The following LY86 variants were observed in gnomAD, a reference collection of about 807,000 sequenced individuals.
LY86 encodes MD-1, RP105-associated.
Under a neutral mutation model 17.3 loss-of-function variants are expected in LY86, and 20 were observed. The observed-to-expected ratio is 1.15, with a 90% CI of 0.81 to 1.68. The LOEUF (loss-of-function observed/expected upper bound fraction) is 1.68. Ranked by LOEUF, LY86 falls within the 40% of genes most tolerant of loss-of-function variation. The probability of loss-of-function intolerance (pLI) is 0.00; values close to 1 mark genes in which losing one functional copy is unlikely to be tolerated. For synonymous variants in LY86, 74 were observed against 70.6 expected (o/e 1.05, Z -0.24); for missense variants, 200 against 191.9 (o/e 1.04, Z -0.25).
At chr6:6,611,556 T>C (rs763673754) in intron 1 of LY86, among the ~76,000 whole-genome samples, 1 of 152,238 alleles carries the variant, frequency 6.6e-6, no homozygotes, top group South Asian at 2.1e-4. Flanking sequence ...ATACTTAAGA[T>C]GAATGGACAC....
At chr6:6,611,932 C>T (rs910589347) in intron 1 of LY86, among the ~76,000 whole-genome samples, 3 of 152,184 alleles carry the variant, frequency 2.0e-5, no homozygotes, top group Admixed American at 2.0e-4. Context: ...GCCAGCTGCT[C>T]TTAACTTCCA....
chr6:6,591,367 C>T (rs368887916), intron 1 of LY86: 6 of 153,850 alleles, frequency 3.9e-5, no homozygotes, highest in East Asian at 3.9e-4. Flanking sequence ...GGGAGTGGGA[C>T]GATCAGACAA....
At chr6:6,596,620 G>T (rs1279229268) in intron 1 of LY86, among the ~76,000 whole-genome samples, 1 of 152,198 alleles carries the variant, frequency 6.6e-6, no homozygotes, top group Non-Finnish European at 1.5e-5. Flanking sequence ...CTTGAGTAGG[G>T]CAAGGCCTTT....
chr6:6,590,231 C>A lies in LY86; in HGVS notation c.136+1361C>A, dbSNP rs192754888. Among the ~76,000 whole-genome samples, 302 of 151,848 alleles carry A rather than the reference C, an allele frequency of 2.0e-3. 2 individuals carry two copies. The highest frequency in any genetic ancestry group is 6.9e-3 in the African/African-American group (286 of 41,390). On this transcript the variant is annotated intron_variant, in intron 1 of 4. Transcript: ENST00000230568. ...TACGTTCCAAGACTCCCAGTGGATGCCTGAAATCATAGATCGTTTTGAACC... is the reference window on the plus strand; with the variant it reads ...TACGTTCCAAGACTCCCAGTGGATGACTGAAATCATAGATCGTTTTGAACC...
intron 1 of LY86, among the ~76,000 whole-genome samples, chr6:6,616,856 G>C (rs1761566833): frequency 6.6e-6 from 1 of 152,148 alleles, no homozygotes; most frequent in African/African-American, 2.4e-5. Flanking sequence ...CCCTGTTTCT[G>C]TCCCCTGTCA....
chr6:6,605,849 C>T (rs150439992), intron 1 of LY86, among the ~76,000 whole-genome samples: 416 of 152,038 alleles, frequency 2.7e-3, no homozygotes, highest in Non-Finnish European at 4.8e-3. Context: ...TGTTACAGCT[C>T]TTAAGGGGGC....
intron 4 of LY86, among the ~76,000 whole-genome samples, chr6:6,651,091 T>C (rs951688527): frequency 2.0e-5 from 3 of 152,238 alleles, no homozygotes; most frequent in Non-Finnish European, 4.4e-5. Flanking sequence ...ATTGTGTATA[T>C]ATACCACATC....
At chr6:6,604,397 GAAAAT>G (rs1761027194) in intron 1 of LY86, among the ~76,000 whole-genome samples, 4 of 152,172 alleles carry the variant, frequency 2.6e-5, no homozygotes, top group South Asian at 4.2e-4. Context: ...AGGGAGGTTT[GAAAAT>G]AAAATAAGAC....
intron 3 of LY86, among the ~76,000 whole-genome samples, chr6:6,631,444 A>T (rs927517598): frequency 6.6e-6 from 1 of 152,228 alleles, no homozygotes; most frequent in African/African-American, 2.4e-5. Context: ...CTAAGACCGG[A>T]AAAAGATTTA....
chr6:6,625,000 G>T lies in LY86; in HGVS notation c.211G>T (p.Gly71Ter). 1 of 1,490,178 alleles carries T rather than the reference G, an allele frequency of 6.7e-7. No individual in the cohort carries two copies. The highest frequency in any genetic ancestry group is 9.3e-7 in the Non-Finnish European group (1 of 1,079,574). The allele number at this position is 1,490,178 out of a possible 1,614,324, so 92.3% of individuals were successfully genotyped here. The change falls in exon 2 of 5, where the codon GGA becomes TGA. Residue 71 changes from glycine to a stop codon, truncating the protein, a stop_gained. Transcript: ENST00000230568. LOFTEE classifies it high-confidence loss of function. ...QLKSNINIRFGIILREDIKEL... is the reference protein window; with the variant it reads ...QLKSNINIRF ...AAAATCAAATATCAACATTAGATTT[G>T]GAATTATTCTGAGTAAGTAAAAAAA...
intron 3 of LY86, among the ~76,000 whole-genome samples, chr6:6,636,735 C>T (rs1400205222): frequency 6.6e-6 from 1 of 152,068 alleles, no homozygotes; most frequent in Admixed American, 6.5e-5. Flanking sequence ...CCCCTTCATT[C>T]CTTTCTTCCT....
intron 1 of LY86, 92 bp downstream of exon 1, chr6:6,588,962 GGGGAGAGGGGACCAGC>G (rs1760441772): frequency 1.4e-6 from 2 of 1,477,878 alleles, no homozygotes; most frequent in Non-Finnish European, 1.8e-6. Flanking sequence ...TGGGGTGGGA[GGGGAGAGGGGACCAGC>G]AGCTGAACAC....
At chr6:6,605,717 G>GT (rs141489204) in intron 1 of LY86, among the ~76,000 whole-genome samples, 2,940 of 152,324 alleles carry the variant, frequency 0.019, 69 homozygotes, top group East Asian at 0.06. Context: ...GGAACCTCGC[G>GT]GTGAGTGTTA....
chr6:6,627,793 A>G (rs1411014062), intron 3 of LY86, among the ~76,000 whole-genome samples: 1 of 152,122 alleles, frequency 6.6e-6, no homozygotes, highest in African/African-American at 2.4e-5. Flanking sequence ...TAATATTCCA[A>G]CTTCATAAAT....
intron 1 of LY86, among the ~76,000 whole-genome samples, chr6:6,605,760 T>C (rs935437670): frequency 1.2e-4 from 19 of 152,240 alleles, no homozygotes; most frequent in Admixed American, 1.1e-3. Flanking sequence ...CCAGAACTTA[T>C]TCTTTCTGAT....
chr6:6,653,130 G>A (rs900485674), intron 4 of LY86, among the ~76,000 whole-genome samples: 3 of 152,186 alleles, frequency 2.0e-5, no homozygotes, highest in African/African-American at 7.2e-5. Flanking sequence ...CTAGAATCAT[G>A]GAATCACACC....
intron 1 of LY86, among the ~76,000 whole-genome samples, chr6:6,613,845 C>T (rs1761475031): frequency 6.7e-6 from 1 of 149,094 alleles, no homozygotes; most frequent in African/African-American, 2.4e-5. Context: ...TATCCGCCTT[C>T]CTTCAGTCAC....
At chr6:6,650,333 G>A (rs1262020997) in intron 4 of LY86, among the ~76,000 whole-genome samples, 2 of 135,686 alleles carry the variant, frequency 1.5e-5, no homozygotes, top group African/African-American at 2.8e-5. Flanking sequence ...CTACCCCTCA[G>A]ATAATGGTTT....
At chr6:6,637,577 G>C (rs3804484) in intron 3 of LY86, among the ~76,000 whole-genome samples, 39,598 of 151,994 alleles carry the variant, frequency 0.26, 5,702 homozygotes, top group Middle Eastern at 0.37. Flanking sequence ...TGTAATAATC[G>C]TTTAGGAAGC....
Sources: allele counts gnomAD v4.1 joint callset (sites outside exome capture counted in the v4.1 genomes callset), GRCh38; gene constraint gnomAD v4.1.1; transcripts MANE v1.5; gene names NCBI Gene and HGNC (gene_info 2026-07-23, HGNC 2026-07-21).